NANS: variants seen among roughly 807,000 people sequenced by gnomAD.
NANS encodes N-acetylneuraminate-9-phosphate synthase.
A neutral mutation model predicts 33.3 loss-of-function variants in NANS; 29 were observed. The observed-to-expected ratio is 0.87, with a 90% CI of 0.65 to 1.19. The LOEUF is 1.19. Ranked by LOEUF, NANS falls within the 50% of genes most tolerant of loss-of-function variation. NANS has a pLI of 0.00. For missense variants in NANS, 394 were observed against 461.1 expected (o/e 0.85, Z 1.33); for synonymous variants, 163 against 177.2 (o/e 0.92, Z 0.64).
Position 98,059,457 on chromosome 9 carries a change from C to T in NANS, c.133-1325C>T, listed in dbSNP as rs140518668. 2.9e-3 allele frequency among the ~76,000 whole-genome samples: 440 copies of T among 152,296 alleles called. 1 individual carries two copies. The highest frequency in any genetic ancestry group is 0.01 in the African/African-American group (421 of 41,560). ...TGAGTCAAGGTCTCACTCTGTTGCT[C>T]AGGCTGGAGTGCAGTGGCACCATCA... On this transcript the variant is annotated intron_variant, in intron 1 of 5. Coordinates refer to ENST00000210444, the MANE Select transcript of NANS (RefSeq NM_018946.4).
intron 3 of NANS, among the ~76,000 whole-genome samples, chr9:98,077,470 A>G (rs1829642584): frequency 6.6e-6 from 1 of 151,828 alleles, no homozygotes; most frequent in Admixed American, 6.6e-5. Context: ...TCAGCCTCCC[A>G]AAGTGTTGGG....
chr9:98,065,483 ATTTT>A (rs397837187), intron 2 of NANS, among the ~76,000 whole-genome samples: 32 of 58,628 alleles, frequency 5.5e-4, no homozygotes, highest in Admixed American at 8.0e-4. Flanking sequence ...TGCCCAGCTA[ATTTT>A]TTTTTTTTTT....
At chr9:98,081,207 T>TCCC in intron 5 of NANS, 125 bp downstream of exon 5, 3 of 1,318,088 alleles carry the variant, frequency 2.3e-6, no homozygotes, top group Non-Finnish European at 3.1e-6. Flanking sequence ...GTGAATGTGC[T>TCCC]CCCACCCGTG....
chr9:98,059,323 G>T (rs1828910479), intron 1 of NANS, among the ~76,000 whole-genome samples: 1 of 152,148 alleles, frequency 6.6e-6, no homozygotes, highest in Non-Finnish European at 1.5e-5. Flanking sequence ...GCGCCCGGCA[G>T]CCAAGAAGTT....
At chr9:98,077,929 G>C (rs1829663255) in intron 3 of NANS, 1 of 495,996 alleles carries the variant, frequency 2.0e-6, no homozygotes, top group Admixed American at 3.4e-5. Context: ...TTTTCCTCTT[G>C]GCAGTGTGAA....
At chr9:98,065,447 G>C (rs1230678292) in intron 2 of NANS, among the ~76,000 whole-genome samples, 1 of 141,014 alleles carries the variant, frequency 7.1e-6, no homozygotes, top group African/African-American at 2.6e-5. Flanking sequence ...CTCCCAAGTA[G>C]ATGGGATTAC....
intron 1 of NANS, among the ~76,000 whole-genome samples, chr9:98,058,762 A>C (rs1298791794): frequency 6.6e-6 from 1 of 152,178 alleles, no homozygotes; most frequent in Non-Finnish European, 1.5e-5. Flanking sequence ...CCTGTCTCTA[A>C]TTCCATTGAG....
rs111291822 is a variant in NANS, at chr9:98,081,197, G to A, written c.870+115G>A. The A allele has an allele frequency of 1.0e-3, 1,446 of 1,407,556 alleles. 8 individuals are homozygous for A. In the African/African-American group the frequency reaches 0.018, roughly 17 times the overall value. The allele number at this position is 1,407,556 out of a possible 1,614,324, so 87.2% of individuals were successfully genotyped here. A position where few individuals can be genotyped will look rare whatever the true frequency, so the allele number is the denominator to read the frequency against. Reference sequence around the variant, plus strand: ...CTGAGCCAGGCTGATGAAATGATCAGTGAATGTGCTCCCACCCGTGTCAGC... The same window carrying A: ...CTGAGCCAGGCTGATGAAATGATCAATGAATGTGCTCCCACCCGTGTCAGC... On this transcript the variant is annotated intron_variant, in intron 5 of 5. Transcript: ENST00000210444.
chr9:98,080,647 GTAT>G (rs995743154), intron 4 of NANS, among the ~76,000 whole-genome samples, 166 bp from the exon 5 acceptor site: 2 of 152,164 alleles, frequency 1.3e-5, no homozygotes, highest in African/African-American at 2.4e-5. Flanking sequence ...CACTCAGCAG[GTAT>G]TATTATCATC....
chr9:98,078,040 G>A, intron 3 of NANS, 153 bp from the exon 4 acceptor site: 1 of 1,134,544 alleles, frequency 8.8e-7, no homozygotes, highest in Non-Finnish European at 1.2e-6. Flanking sequence ...AACCCAACAA[G>A]CTCCTCTCTG....
At position 98,056,787 on chromosome 9, in the gene NANS, C is replaced by G. The variant is rs755256468; in HGVS notation, c.-22C>G. ...GGCCGGACCCAGACTGGTAGTGAGG[C>G]TTTGGACCCCGAGCCGCTGCAATGC... is the stretch of plus-strand genomic sequence containing the variant. On this transcript the variant is annotated 5_prime_UTR_variant, in exon 1 of 6. Transcript: ENST00000210444. The G allele has an allele frequency of 1.2e-5, 19 of 1,604,298 alleles. No homozygotes were observed. The highest frequency in any genetic ancestry group is 1.5e-5 in the Non-Finnish European group (18 of 1,176,222).
At chr9:98,075,995 T>A (rs1338488882) in intron 2 of NANS, 1 of 152,114 alleles carries the variant, frequency 6.6e-6, no homozygotes, top group East Asian at 1.9e-4. Context: ...TGATGAATAC[T>A]AGAGAAGGAT....
chr9:98,078,032 C>T, intron 3 of NANS, 161 bp from the exon 4 acceptor site: 1 of 1,042,854 alleles, frequency 9.6e-7, no homozygotes, highest in South Asian at 1.8e-5. Flanking sequence ...AGGGCAGGAA[C>T]CCAACAAGCT....
In NANS at chr9:98,056,780, A is replaced by C; in HGVS notation, c.-29A>C. On this transcript the variant is annotated 5_prime_UTR_variant, in exon 1 of 6. Transcript: ENST00000210444. ...CGGCGGCGGCCGGACCCAGACTGGTAGTGAGGCTTTGGACCCCGAGCCGCT... is the reference window on the plus strand; with the variant it reads ...CGGCGGCGGCCGGACCCAGACTGGTCGTGAGGCTTTGGACCCCGAGCCGCT... 6.4e-7 allele frequency: 1 copy of C among 1,554,628 alleles called. No individual in the cohort carries two copies. The highest frequency in any genetic ancestry group is 8.7e-7 in the Non-Finnish European group (1 of 1,144,912).
chr9:98,082,999 G>A lies in NANS; in HGVS notation c.1024G>A (p.Asp342Asn), dbSNP rs781487363. ...GKKVLVTVEE[D>N]DTIMEELVDN... Reference sequence around the variant, plus strand: ...GAAGGTCCTGGTCACTGTTGAAGAGGATGACACCATCATGGAAGAATTGGT... The same window carrying A: ...GAAGGTCCTGGTCACTGTTGAAGAGAATGACACCATCATGGAAGAATTGGT... Residue 342 changes from aspartate to asparagine, a missense_variant, in exon 6 of 6, where the codon GAT becomes AAT. Asp to Asn is a conservative substitution (Grantham distance 23). Transcript: ENST00000210444. 1.1e-5 allele frequency: 17 copies of A among 1,614,188 alleles called. No individual in the cohort carries two copies. The highest frequency in any genetic ancestry group is 1.4e-5 in the Non-Finnish European group (17 of 1,180,046).
At chr9:98,071,611 G>C (rs1699177814) in intron 2 of NANS, among the ~76,000 whole-genome samples, 1 of 152,138 alleles carries the variant, frequency 6.6e-6, no homozygotes, top group African/African-American at 2.4e-5. Flanking sequence ...GTACTTGCAG[G>C]CTGGGACATC....
At chr9:98,078,461 T>C (rs1829693709) in intron 4 of NANS, 114 bp downstream of exon 4, 1 of 1,312,818 alleles carries the variant, frequency 7.6e-7, no homozygotes, top group Non-Finnish European at 1.0e-6. Flanking sequence ...TGAACATCCT[T>C]TGACAGTCTT....
In NANS at chr9:98,079,728, C is replaced by A. The variant is rs1273116823; in HGVS notation, c.604-1088C>A. Reference sequence around the variant, plus strand: ...CCTTTTCAGTGTATCTCCGTCCCCACTCAAGGTGCTGTCATGTCCTCTCTC... The same window carrying A: ...CCTTTTCAGTGTATCTCCGTCCCCAATCAAGGTGCTGTCATGTCCTCTCTC... On this transcript the variant is annotated intron_variant, in intron 4 of 5. Transcript: ENST00000210444. 2.0e-5 allele frequency among the ~76,000 whole-genome samples: 3 copies of A among 152,342 alleles called. No homozygotes were observed. In the South Asian group the frequency reaches 6.2e-4, roughly 32 times the overall value.
chr9:98,061,202 C>T, intron 2 of NANS: 1 of 570,668 alleles, frequency 1.8e-6, no homozygotes, highest in Non-Finnish European at 3.1e-6. Flanking sequence ...TCTGGCCGGG[C>T]TTGATGGCTC....
Sources: gnomAD v4.1 joint callset for allele counts (sites outside exome capture counted in the v4.1 genomes callset) on GRCh38, gnomAD v4.1.1 for gene constraint, MANE v1.5 for transcripts, NCBI Gene and HGNC (gene_info 2026-07-23, HGNC 2026-07-21) for gene names.